Variants in CEP85L observed in about 807,000 individuals in gnomAD.
The protein encoded by CEP85L is centrosomal protein 85L.
Under a neutral mutation model 100.3 loss-of-function variants are expected in CEP85L, and 60 were observed. The ratio of observed to expected loss-of-function variants is 0.60; its 90% CI spans 0.49 to 0.74. CEP85L has a LOEUF of 0.74. CEP85L is among the 30% of genes least tolerant of loss of function. CEP85L has a pLI of 0.00. For synonymous variants in CEP85L, 319 were observed against 322.7 expected (o/e 0.99, Z 0.12); for missense variants, 973 against 936.2 (o/e 1.04, Z -0.51).
chr6:118,657,937 A>G (rs775569477), intron 1 of CEP85L, among the ~76,000 whole-genome samples: 1 of 152,224 alleles, frequency 6.6e-6, no homozygotes, highest in Non-Finnish European at 1.5e-5. Flanking sequence ...CTAGAAGAGA[A>G]TTCAATTCAA....
chr6:118,586,609 C>T (rs1780876994), intron 2 of CEP85L, among the ~76,000 whole-genome samples: 2 of 151,922 alleles, frequency 1.3e-5, no homozygotes, highest in South Asian at 4.1e-4. Flanking sequence ...GCTGAGGGAG[C>T]AACCCCCAAC....
chr6:118,599,371 C>T (rs1043647319), intron 2 of CEP85L, among the ~76,000 whole-genome samples: 3 of 151,910 alleles, frequency 2.0e-5, no homozygotes, highest in Admixed American at 6.6e-5. Context: ...ATTTGAACAA[C>T]AAAATATTAT....
intron 3 of CEP85L, chr6:118,565,310 G>A (rs1411072889): frequency 3.6e-6 from 2 of 556,570 alleles, no homozygotes; most frequent in Admixed American, 6.7e-5. Context: ...GAAAGAACAA[G>A]CTAGGTACAA....
chr6:118,529,383 G>A (rs1167264202), intron 3 of CEP85L, among the ~76,000 whole-genome samples: 4 of 151,982 alleles, frequency 2.6e-5, no homozygotes, highest in Non-Finnish European at 5.9e-5. Flanking sequence ...CAAGGTGGGT[G>A]GATCACAAGG....
chr6:118,513,572 C>T (rs761432221), intron 4 of CEP85L, among the ~76,000 whole-genome samples: 2 of 152,028 alleles, frequency 1.3e-5, no homozygotes, highest in Non-Finnish European at 2.9e-5. Context: ...TTTAAAAGCT[C>T]TCAACCTAAA....
chr6:118,465,815 T>G (rs1318295034), intron 12 of CEP85L, among the ~76,000 whole-genome samples: 1 of 152,128 alleles, frequency 6.6e-6, no homozygotes, highest in Non-Finnish European at 1.5e-5. Context: ...TCAGCATGTT[T>G]AATGGGTAAC....
rs902048587 is a variant in CEP85L at position 118,647,033 on chromosome 6, C to G, written c.73+4164G>C. 3.0e-6 allele frequency: 3 copies of G among 985,256 alleles called. No homozygotes were observed. In the African/African-American group the frequency reaches 5.2e-5, roughly 17 times the overall value. 61.0% of individuals were successfully genotyped at this position (985,256 alleles called of 1,614,324 possible). ...AAAGTTAAGATTCACCCCTTACCCC[C>G]CAATACCTATTATGAAAGAACATGT... On this transcript the variant is annotated intron_variant, in intron 1 of 12. Transcript: ENST00000368491.
At chr6:118,622,432 C>A (rs1362064951) in intron 2 of CEP85L, among the ~76,000 whole-genome samples, 2 of 152,194 alleles carry the variant, frequency 1.3e-5, no homozygotes, top group Non-Finnish European at 2.9e-5. Context: ...GGGAGGATCT[C>A]TTAGAAGTTC....
At chr6:118,651,041 G>A (rs1000718429) in intron 1 of CEP85L, among the ~76,000 whole-genome samples, 156 bp downstream of exon 1, 1 of 152,200 alleles carries the variant, frequency 6.6e-6, no homozygotes, top group Non-Finnish European at 1.5e-5. Context: ...GTCAGCCCGG[G>A]TGCTGACAGC....
chr6:118,578,518 T>C lies in CEP85L; in HGVS notation c.233-12202A>G, dbSNP rs12197704. Among the ~76,000 whole-genome samples the C allele has an allele frequency of 4.2e-3, 637 of 151,824 alleles. 2 individuals carry two copies. The highest frequency in any genetic ancestry group is 8.8e-3 in the South Asian group (42 of 4,780). Reference sequence around the variant, plus strand: ...AGGCTGAGGCGGGCGGATCACGAGGTCAGGAGATTGAGACCATCCCAGCCA... The same window carrying C: ...AGGCTGAGGCGGGCGGATCACGAGGCCAGGAGATTGAGACCATCCCAGCCA... On this transcript the variant is annotated intron_variant, in intron 2 of 12. Transcript: ENST00000368491.
At chr6:118,497,329 G>A (rs1774987933) in intron 5 of CEP85L, among the ~76,000 whole-genome samples, 1 of 152,112 alleles carries the variant, frequency 6.6e-6, no homozygotes, top group Non-Finnish European at 1.5e-5. Flanking sequence ...TGCAATGATA[G>A]CGACCAAAAT....
chr6:118,591,998 C>G (rs1053782452), intron 2 of CEP85L, among the ~76,000 whole-genome samples: 1 of 152,120 alleles, frequency 6.6e-6, no homozygotes, highest in Non-Finnish European at 1.5e-5. Context: ...CTTGAAATTA[C>G]GATTTCACAA....
chr6:118,642,632 G>A (rs902679185), intron 1 of CEP85L, among the ~76,000 whole-genome samples: 1 of 152,100 alleles, frequency 6.6e-6, no homozygotes, highest in East Asian at 1.9e-4. Context: ...GGCTTTCTTG[G>A]GTTGGGCACG....
intron 3 of CEP85L, among the ~76,000 whole-genome samples, chr6:118,524,442 TAAAC>T (rs149343537): frequency 0.1 from 15,416 of 152,060 alleles, 863 homozygotes; most frequent in East Asian, 0.2. Context: ...AGACTCTGTC[TAAAC>T]AAACAAACAA....
intron 2 of CEP85L, among the ~76,000 whole-genome samples, chr6:118,594,758 A>C (rs1411617934): frequency 1.3e-5 from 2 of 150,916 alleles, no homozygotes; most frequent in African/African-American, 4.9e-5. Context: ...CGGTAGGCTG[A>C]GGCAGGAGAA....
At chr6:118,535,154 C>T (rs949320669) in intron 3 of CEP85L, among the ~76,000 whole-genome samples, 14 of 152,184 alleles carry the variant, frequency 9.2e-5, no homozygotes, top group South Asian at 2.1e-4. Context: ...GTAAGATAAA[C>T]GGATAAAAAC....
At chr6:118,655,468 G>A (rs980403281), upstream of CEP85L, among the ~76,000 whole-genome samples, 15 of 152,196 alleles carry the variant, frequency 9.9e-5, no homozygotes, top group Admixed American at 3.9e-4. Context: ...CATCCTGAGC[G>A]TATGAAAAGA....
At chr6:118,587,860 A>C (rs76551204) in intron 2 of CEP85L, among the ~76,000 whole-genome samples, 2 of 152,242 alleles carry the variant, frequency 1.3e-5, no homozygotes, top group Non-Finnish European at 2.9e-5. Flanking sequence ...CTTTATCCCA[A>C]GGATGCCTCT....
intron 2 of CEP85L, among the ~76,000 whole-genome samples, chr6:118,584,222 T>C (rs1780733246): frequency 6.6e-6 from 1 of 152,142 alleles, no homozygotes; most frequent in Admixed American, 6.5e-5. Flanking sequence ...TAACAGAGAA[T>C]ATAAAGTTTC....
Sources: gnomAD v4.1 joint callset for allele counts (sites outside exome capture counted in the v4.1 genomes callset) on GRCh38, gnomAD v4.1.1 for gene constraint, MANE v1.5 for transcripts, NCBI Gene and HGNC (gene_info 2026-07-23, HGNC 2026-07-21) for gene names.